The following CNTN4 variants were observed in gnomAD, a reference collection of about 807,000 sequenced individuals.
CNTN4 encodes contactin 4.
Under a neutral mutation model 122.5 loss-of-function variants are expected in CNTN4, and 77 were observed. That is an observed-to-expected ratio of 0.63 (90% CI 0.52 to 0.76). The LOEUF (loss-of-function observed/expected upper bound fraction) is 0.76, where lower values mean the gene tolerates loss of function less well. CNTN4 is among the 30% of genes least tolerant of loss of function. The pLI is 0.00. For missense variants in CNTN4, 1,256 were observed against 1,259.1 expected (o/e 1.00, Z 0.04); for synonymous variants, 512 against 447.0 (o/e 1.15, Z -1.83).
chr3:3,024,720 G>T (rs973345484), intron 14 of CNTN4, among the ~76,000 whole-genome samples: 1 of 151,996 alleles, frequency 6.6e-6, no homozygotes, highest in South Asian at 2.1e-4. Context: ...TTCTGTAGTT[G>T]GATAAAAGGA....
chr3:2,747,647 C>G (rs1160805349), intron 6 of CNTN4, among the ~76,000 whole-genome samples: 1 of 152,112 alleles, frequency 6.6e-6, no homozygotes, highest in Non-Finnish European at 1.5e-5. Context: ...ACAAAAAGCT[C>G]TACCACTCAG....
intron 3 of CNTN4, among the ~76,000 whole-genome samples, chr3:2,401,925 A>G (rs2046873047): frequency 6.6e-6 from 1 of 152,170 alleles, no homozygotes; most frequent in African/African-American, 2.4e-5. Flanking sequence ...CTGGATTTTT[A>G]GTTTCTCAGA....
intron 4 of CNTN4, among the ~76,000 whole-genome samples, chr3:2,705,765 ATATT>A (rs1236099748): frequency 3.8e-4 from 39 of 102,594 alleles, no homozygotes; most frequent in African/African-American, 9.3e-4. Context: ...TATATAATAT[ATATT>A]TATTATATAT....
chr3:2,643,703 T>C (rs978836936), intron 4 of CNTN4, among the ~76,000 whole-genome samples: 2 of 152,110 alleles, frequency 1.3e-5, no homozygotes, highest in African/African-American at 2.4e-5. Context: ...ATAAAGGAGA[T>C]AAAAGTGGTG....
intron 4 of CNTN4, among the ~76,000 whole-genome samples, chr3:2,693,017 G>A (rs965396): frequency 0.56 from 85,651 of 151,852 alleles, 24,510 homozygotes; most frequent in African/African-American, 0.64. Context: ...ATGTCAATGA[G>A]ATGCTACCTT....
chr3:2,581,661 T>C (rs1425356406), intron 4 of CNTN4, among the ~76,000 whole-genome samples: 2 of 152,196 alleles, frequency 1.3e-5, no homozygotes, highest in South Asian at 2.1e-4. Context: ...CCAGAGAACC[T>C]GCAAATTGCA....
At chr3:2,100,494 A>G (rs886603198) in intron 1 of CNTN4, 64 bp from the exon 2 acceptor site, 7 of 152,212 alleles carry the variant, frequency 4.6e-5, no homozygotes, top group Admixed American at 1.3e-4. Context: ...GCAGGTCCAT[A>G]CAATAGCGTT....
In CNTN4 at chr3:2,597,705, T is replaced by C. The variant is rs533499314; in HGVS notation, c.55+26147T>C. On this transcript the variant is annotated intron_variant, in intron 4 of 24. Coordinates refer to ENST00000418658, the MANE Select transcript of CNTN4 (RefSeq NM_175607.3). ...ACTTCAACTGAACCATCCCCCAGTA[T>C]AGAGATGCGCACACGTCAGGGGAGC... Among the ~76,000 whole-genome samples, 3 of 152,130 alleles carry C rather than the reference T, an allele frequency of 2.0e-5. 1 individual carries two copies. In the South Asian group the frequency reaches 6.2e-4, roughly 32 times the overall value.
At chr3:2,480,991 A>G (rs2075974330) in intron 3 of CNTN4, among the ~76,000 whole-genome samples, 1 of 141,162 alleles carries the variant, frequency 7.1e-6, no homozygotes, top group Non-Finnish European at 1.6e-5. Flanking sequence ...AAATGAAGAA[A>G]AGATAGTTTT....
At position 2,327,096 on chromosome 3, in the gene CNTN4, A is replaced by G. The variant is rs144404434; in HGVS notation, c.-144-12082A>G. 2.0e-3 allele frequency among the ~76,000 whole-genome samples: 303 copies of G among 151,928 alleles called. 2 individuals are homozygous for G. Among genetic ancestry groups the G allele is most frequent in the African/African-American group, 6.5e-3 (270 of 41,426 alleles). ...ATCTGTGGTAATTTGGGGAAATTTCATCAAGTTGGTCTAGAATTACAGACT... is the reference window on the plus strand; with the variant it reads ...ATCTGTGGTAATTTGGGGAAATTTCGTCAAGTTGGTCTAGAATTACAGACT... On this transcript the variant is annotated intron_variant, in intron 2 of 24. Coordinates refer to ENST00000418658, the MANE Select transcript of CNTN4 (RefSeq NM_175607.3).
chr3:2,554,351 A>C (rs546588408), intron 3 of CNTN4, among the ~76,000 whole-genome samples: 4 of 152,154 alleles, frequency 2.6e-5, no homozygotes, highest in Admixed American at 6.6e-5. Flanking sequence ...GCAAAAAAAA[A>C]CCCAAACATA....
chr3:2,538,428 A>G (rs540593620), intron 3 of CNTN4, among the ~76,000 whole-genome samples: 1 of 152,080 alleles, frequency 6.6e-6, no homozygotes, highest in Non-Finnish European at 1.5e-5. Context: ...CTACTTAGCA[A>G]TGCATTTTGG....
intron 2 of CNTN4, among the ~76,000 whole-genome samples, chr3:2,120,372 T>A (rs28620182): frequency 1.0e-3 from 85 of 84,288 alleles, no homozygotes; most frequent in Admixed American, 1.6e-3. Flanking sequence ...TATATATATA[T>A]AAATATATAT....
intron 3 of CNTN4, among the ~76,000 whole-genome samples, chr3:2,529,349 T>C (rs2077513654): frequency 6.6e-6 from 1 of 152,202 alleles, no homozygotes; most frequent in Admixed American, 6.5e-5. Flanking sequence ...CATCCATTCA[T>C]CTGTTGATGG....
At chr3:2,141,719 A>G (rs1167707979) in intron 2 of CNTN4, among the ~76,000 whole-genome samples, 1 of 152,118 alleles carries the variant, frequency 6.6e-6, no homozygotes, top group Non-Finnish European at 1.5e-5. Flanking sequence ...CAAACTGATA[A>G]CTACATAATC....
chr3:2,961,172 G>A (rs9865633), intron 13 of CNTN4, among the ~76,000 whole-genome samples: 47,736 of 122,522 alleles, frequency 0.39, 10,106 homozygotes, highest in East Asian at 0.6. Flanking sequence ...GGAGCTTGCA[G>A]TGAGCCGAGA....
At chr3:2,282,959 C>T (rs369744235) in intron 2 of CNTN4, among the ~76,000 whole-genome samples, 6 of 151,988 alleles carry the variant, frequency 3.9e-5, no homozygotes, top group African/African-American at 1.2e-4. Flanking sequence ...TCCATAGAAA[C>T]GGAAAGTAGA....
chr3:2,211,547 C>G, intron 2 of CNTN4, among the ~76,000 whole-genome samples: 1 of 152,150 alleles, frequency 6.6e-6, no homozygotes, highest in East Asian at 1.9e-4. Context: ...TAATAAACCC[C>G]TTTTAAAAAA....
chr3:2,186,265 C>A (rs1429119993), intron 2 of CNTN4, among the ~76,000 whole-genome samples: 1 of 152,036 alleles, frequency 6.6e-6, no homozygotes, highest in East Asian at 1.9e-4. Context: ...TGAACTCATC[C>A]TTTTTTATGG....
Sources: allele counts gnomAD v4.1 joint callset (sites outside exome capture counted in the v4.1 genomes callset), GRCh38; gene constraint gnomAD v4.1.1; transcripts MANE v1.5; gene names NCBI Gene and HGNC (gene_info 2026-07-23, HGNC 2026-07-21).